DNMT1: variants seen among roughly 807,000 people sequenced by gnomAD.
The protein encoded by DNMT1 is DNA (cytosine-5)-methyltransferase 1.
In DNMT1, 24 loss-of-function variants were observed where a neutral mutation model predicts 205.3. The observed-to-expected ratio is 0.12, with a 90% CI of 0.08 to 0.16. The LOEUF (loss-of-function observed/expected upper bound fraction) is 0.16, where lower values mean the gene tolerates loss of function less well. DNMT1 is among the 10% of genes least tolerant of loss of function. The pLI is 1.00. For synonymous variants in DNMT1, 817 were observed against 839.8 expected (o/e 0.97, Z 0.47); for missense variants, 1,293 against 2,177.7 (o/e 0.59, Z 8.09).
In DNMT1 at chr19:10,166,600, T is replaced by C; in HGVS notation, c.889A>G (p.Lys297Glu). 6.2e-7 allele frequency: 1 copy of C among 1,614,170 alleles called. No homozygotes were observed. Among genetic ancestry groups the C allele is most frequent in the Non-Finnish European group, 8.5e-7 (1 of 1,180,024 alleles). Residue 297 changes from lysine to glutamate, a missense_variant and splice_region_variant, in exon 11 of 41, where the codon AAA becomes GAA. Lys to Glu is a moderately conservative substitution (Grantham distance 56, BLOSUM62 1). Around this residue, in one of 13 missense-constraint regions of DNMT1, gnomAD observed 394 missense variants for 451.6 expected, o/e 0.87. Coordinates refer to ENST00000359526, the MANE Select transcript of DNMT1 (RefSeq NM_001130823.3). ...AGAAACAAATAACCCGCCTTTACTT[T>C]CTCGTCTCCATCTTCGTCCTCGTCA... ...QADEDEDGDE[K>E]DEKKHRSQPK...
chr19:10,138,610 G>C lies in DNMT1; in HGVS notation c.3949-5C>G, dbSNP rs773047717. On this transcript the variant is annotated splice_polypyrimidine_tract_variant and splice_region_variant and intron_variant, in intron 34 of 40. Coordinates refer to ENST00000359526, the MANE Select transcript of DNMT1 (RefSeq NM_001130823.3). This position sits in a 1 kb window ranked among gnomAD's most constrained non-coding sequence, Gnocchi z 4.1. ...GGCCACGCCGTACTGACCGGCCTGT[G>C]GGGGAGAAGGACGGACAACCCCACC... 18 of 1,601,082 alleles carry C rather than the reference G, an allele frequency of 1.1e-5. 1 individual carries two copies. In the Admixed American group the frequency reaches 1.2e-4, roughly 10 times the overall value.
intron 13 of DNMT1, among the ~76,000 whole-genome samples, chr19:10,162,141 A>G (rs962173931): frequency 5.2e-5 from 7 of 135,248 alleles, no homozygotes; most frequent in Admixed American, 3.0e-4. Context: ...TGTGCCCAGC[A>G]TTTTTTTTTT....
chr19:10,169,092 A>C (rs965659379), intron 9 of DNMT1, among the ~76,000 whole-genome samples: 1 of 152,086 alleles, frequency 6.6e-6, no homozygotes, highest in Non-Finnish European at 1.5e-5. Context: ...GGTCTCCCAA[A>C]GTGCTGGCAT....
rs189497536 is a variant in DNMT1 at position 10,138,316 on chromosome 19, G to A, written c.4115+123C>T. On this transcript the variant is annotated intron_variant, in intron 35 of 40. Transcript: ENST00000359526. The surrounding 1 kb of genome is among the most constrained non-coding windows in gnomAD (Gnocchi z 4.1). ...GCAGAGTGCCATGTGGCAGAGCACCGTGTGGCAGGGCAGATGCTGTACCAT... is the reference window on the plus strand; with the variant it reads ...GCAGAGTGCCATGTGGCAGAGCACCATGTGGCAGGGCAGATGCTGTACCAT... The A allele has an allele frequency of 1.4e-3, 1,992 of 1,458,496 alleles. 35 individuals are homozygous for A. In the Admixed American group the frequency reaches 0.029, roughly 21 times the overall value. 90.3% of individuals were successfully genotyped at this position (1,458,496 alleles called of 1,614,324 possible). A position where few individuals can be genotyped will look rare whatever the true frequency, so the allele number is the denominator to read the frequency against.
At chr19:10,185,490 A>G (rs1326886842) in intron 1 of DNMT1, among the ~76,000 whole-genome samples, 1 of 151,900 alleles carries the variant, frequency 6.6e-6, no homozygotes, top group Non-Finnish European at 1.5e-5. Flanking sequence ...CAGTGGTAAT[A>G]TAGACTGTAT....
At chr19:10,172,405 CAAAAAAA>C (rs34495234) in intron 9 of DNMT1, among the ~76,000 whole-genome samples, 3 of 76,428 alleles carry the variant, frequency 3.9e-5, no homozygotes, top group Non-Finnish European at 8.4e-5. Context: ...GACTCCATCT[CAAAAAAA>C]AAAAAAAAAA....
intron 1 of DNMT1, 60 bp downstream of exon 1, chr19:10,194,760 A>G (rs2039372240): frequency 2.6e-6 from 4 of 1,515,632 alleles, no homozygotes; most frequent in African/African-American, 2.9e-5. Context: ...AGGGGAAGCG[A>G]CCCCCCACCC....
In DNMT1 at chr19:10,137,850, G is replaced by C. The variant is rs1568220628; in HGVS notation, c.4275C>G (p.Leu1425=). 3 of 1,613,458 alleles carry C rather than the reference G, an allele frequency of 1.9e-6. No individual in the cohort carries two copies. Among genetic ancestry groups the C allele is most frequent in the Non-Finnish European group, 2.5e-6 (3 of 1,179,908 alleles). Residue 1425 remains leucine (L), a synonymous_variant, in exon 36 of 41, where the codon CTC becomes CTG. Coordinates refer to ENST00000359526, the MANE Select transcript of DNMT1 (RefSeq NM_001130823.3). The surrounding 1 kb of genome is among the most constrained non-coding windows in gnomAD (Gnocchi z 6.4). ...CCATTACCTTACAGATGTGGTCCCT[G>C]AGGATGGGCTGGTACTGTGCGCCCC... ...QLRGAQYQPI[L]RDHICKDMSA... is the part of the protein sequence containing the mutation.
chr19:10,153,173 C>T (rs919053326), intron 22 of DNMT1, among the ~76,000 whole-genome samples: 1 of 152,100 alleles, frequency 6.6e-6, no homozygotes. Context: ...CAGATACACT[C>T]GCGAGAAGCT....
rs760812647 is a variant in DNMT1, at chr19:10,151,391, G to A, written c.2265+7C>T. On this transcript the variant is annotated splice_region_variant and intron_variant, in intron 24 of 40. Transcript: ENST00000359526. This position sits in a 1 kb window ranked among gnomAD's most constrained non-coding sequence, Gnocchi z 5.0. ...CAGTGAGCTGACCAAGGGGCTCCAA[G>A]GGTTACCTTGACGGCTTCTCCGACC... 1 of 1,612,544 alleles carries A rather than the reference G, an allele frequency of 6.2e-7. No homozygotes were observed. Among genetic ancestry groups the A allele is most frequent in the South Asian group, 1.1e-5 (1 of 91,058 alleles).
chr19:10,170,289 A>T (rs529854991), intron 9 of DNMT1, among the ~76,000 whole-genome samples: 28 of 151,496 alleles, frequency 1.8e-4, no homozygotes, highest in Middle Eastern at 3.4e-3. Flanking sequence ...CATCTCAATT[A>T]AAAAAAAAGA....
chr19:10,175,705 T>G, intron 6 of DNMT1, 87 bp from the exon 7 acceptor site: 1 of 1,255,686 alleles, frequency 8.0e-7, no homozygotes, highest in Non-Finnish European at 1.2e-6. Context: ...CACCAGGATG[T>G]TGAAAGAGGC....
chr19:10,167,931 T>A (rs1446375110), intron 10 of DNMT1, among the ~76,000 whole-genome samples: 1 of 152,062 alleles, frequency 6.6e-6, no homozygotes, highest in East Asian at 1.9e-4. Flanking sequence ...AAGACCAGCC[T>A]GACCAATATG....
intron 5 of DNMT1, 197 bp downstream of exon 5, chr19:10,179,990 T>TAAAAAAA: frequency 5.5e-6 from 1 of 182,866 alleles, no homozygotes; most frequent in South Asian, 7.3e-5. Flanking sequence ...ACTCTGTCAT[T>TAAAAAAA]AAAAAAAAAA....
intron 9 of DNMT1, among the ~76,000 whole-genome samples, chr19:10,172,239 A>C (rs895965410): frequency 1.3e-5 from 2 of 151,488 alleles, no homozygotes; most frequent in South Asian, 4.2e-4. Context: ...AACATGGAGA[A>C]ACCCCATCTT....
chr19:10,192,267 C>T (rs2039318020), intron 1 of DNMT1, among the ~76,000 whole-genome samples: 1 of 151,348 alleles, frequency 6.6e-6, no homozygotes, highest in African/African-American at 2.4e-5. Flanking sequence ...GCCTGGGTGA[C>T]ACAGTGAGAT....
intron 27 of DNMT1, among the ~76,000 whole-genome samples, chr19:10,147,329 G>C (rs2145285667): frequency 6.6e-6 from 1 of 152,096 alleles, no homozygotes; most frequent in East Asian, 1.9e-4. Context: ...AAGTAAATGA[G>C]GTTGGGTGCA....
intron 11 of DNMT1, among the ~76,000 whole-genome samples, chr19:10,165,435 C>T (rs2038670408): frequency 1.3e-5 from 2 of 152,270 alleles, no homozygotes; most frequent in Middle Eastern, 3.4e-3. Context: ...CTCTGTTGCC[C>T]AGGCTGGAGT....
At chr19:10,162,333 G>A (rs1265594033) in intron 13 of DNMT1, among the ~76,000 whole-genome samples, 2 of 149,704 alleles carry the variant, frequency 1.3e-5, no homozygotes, top group Non-Finnish European at 3.0e-5. Flanking sequence ...CCTGGAGTGC[G>A]ATCTCGGCTC....
Sources: allele counts gnomAD v4.1 joint callset (sites outside exome capture counted in the v4.1 genomes callset), GRCh38; gene constraint gnomAD v4.1.1; regional missense constraint gnomAD v4.1.1; non-coding constraint Gnocchi (gnomAD v3.1); transcripts MANE v1.5; gene names NCBI Gene and HGNC (gene_info 2026-07-23, HGNC 2026-07-21).